The following STK33 variants were observed in gnomAD, a reference collection of about 807,000 sequenced individuals.
The protein encoded by STK33 is serine/threonine-protein kinase 33.
In STK33, 52 loss-of-function variants were observed where a neutral mutation model predicts 58.0. The ratio of observed to expected loss-of-function variants is 0.90; its 90% confidence interval spans 0.72 to 1.13. The LOEUF (loss-of-function observed/expected upper bound fraction) is 1.13. Ranked by LOEUF, STK33 falls within the 50% of genes most tolerant of loss-of-function variation. The pLI is 0.00. For synonymous variants in STK33, 215 were observed against 200.1 expected (o/e 1.07, Z -0.63); for missense variants, 630 against 604.2 (o/e 1.04, Z -0.45).
At chr11:8,437,552 A>C (rs1591049457) in intron 12 of STK33, among the ~76,000 whole-genome samples, 2 of 152,246 alleles carry the variant, frequency 1.3e-5, no homozygotes, top group African/African-American at 4.8e-5. Flanking sequence ...ATAAAATGGC[A>C]TAATTTCATT....
chr11:8,517,363 A>C lies in STK33; in HGVS notation c.-465-36749T>G, dbSNP rs560813929. On this transcript the variant is annotated intron_variant, in intron 1 of 15. Transcript: ENST00000687296. ...CATCACCAAAGACCAAAGGTAGATA[A>C]AAACACAAAGATGGGGAGAAACCAG... Among the ~76,000 whole-genome samples the C allele has an allele frequency of 2.1e-4, 32 of 152,346 alleles. No homozygotes were observed. The South Asian group carries it at 5.8e-3, about 28-fold the overall frequency.
intron 1 of STK33, among the ~76,000 whole-genome samples, chr11:8,481,565 G>A (rs975327255): frequency 1.3e-5 from 2 of 152,178 alleles, no homozygotes; most frequent in African/African-American, 4.8e-5. Flanking sequence ...AAGTCTGAAT[G>A]TATCTGTGGA....
chr11:8,453,879 C>G (rs116701912), intron 10 of STK33, among the ~76,000 whole-genome samples: 1,850 of 152,296 alleles, frequency 0.012, 39 homozygotes, highest in African/African-American at 0.042. Flanking sequence ...ACCTATCTTT[C>G]TTTACAGAAA....
intron 11 of STK33, among the ~76,000 whole-genome samples, chr11:8,450,829 A>G (rs1005039250): frequency 3.3e-5 from 5 of 152,224 alleles, no homozygotes; most frequent in Admixed American, 1.3e-4. Context: ...AAAATTGATT[A>G]TGTAATTACT....
chr11:8,369,603 C>T, the STK33 span, among the ~76,000 whole-genome samples: 1 of 152,062 alleles, frequency 6.6e-6, no homozygotes, highest in Admixed American at 6.5e-5. Flanking sequence ...TCTCCTCCTC[C>T]GCCTCTGCAG....
At chr11:8,400,903 A>C (rs1204381219) in intron 15 of STK33, among the ~76,000 whole-genome samples, 1 of 152,206 alleles carries the variant, frequency 6.6e-6, no homozygotes, top group African/African-American at 2.4e-5. Context: ...TAGGAATCCA[A>C]CTTACAAGGG....
At chr11:8,546,756 A>G (rs1486986615) in intron 1 of STK33, among the ~76,000 whole-genome samples, 1 of 152,156 alleles carries the variant, frequency 6.6e-6, no homozygotes, top group Non-Finnish European at 1.5e-5. Flanking sequence ...GCTGCAAATG[A>G]CAGGATTTCA....
chr11:8,386,611 C>CA, the STK33 span, among the ~76,000 whole-genome samples: 1 of 152,182 alleles, frequency 6.6e-6, no homozygotes, highest in Non-Finnish European at 1.5e-5. Flanking sequence ...GGCTTAGGCC[C>CA]AGAGCAGACG....
chr11:8,428,947 T>TAA (rs145920353), intron 14 of STK33, among the ~76,000 whole-genome samples: 150 of 151,484 alleles, frequency 9.9e-4, no homozygotes, highest in Non-Finnish European at 1.7e-3. Context: ...TCCCAGGAAA[T>TAA]AAAAAAAAAT....
chr11:8,498,998 A>T (rs1951291118), intron 1 of STK33, among the ~76,000 whole-genome samples: 1 of 152,350 alleles, frequency 6.6e-6, no homozygotes. Flanking sequence ...AACCTAGCCA[A>T]TACCATTCAG....
chr11:8,376,160 G>A, the STK33 span, among the ~76,000 whole-genome samples: 3 of 152,302 alleles, frequency 2.0e-5, no homozygotes, highest in South Asian at 2.1e-4. Context: ...ATCACTGAGC[G>A]ACAGCCACCA....
intron 1 of STK33, among the ~76,000 whole-genome samples, chr11:8,518,659 G>A (rs1041670541): frequency 2.8e-4 from 42 of 152,144 alleles, no homozygotes; most frequent in African/African-American, 9.6e-4. Context: ...TACCAAGCAA[G>A]TGGAAAACAA....
chr11:8,411,335 T>C (rs763515007), intron 15 of STK33, among the ~76,000 whole-genome samples: 15 of 152,242 alleles, frequency 9.9e-5, no homozygotes, highest in Non-Finnish European at 2.2e-4. Flanking sequence ...AACAAGTGTG[T>C]GATATCTTAG....
chr11:8,345,992 A>G, the STK33 span, among the ~76,000 whole-genome samples: 1 of 152,214 alleles, frequency 6.6e-6, no homozygotes, highest in Non-Finnish European at 1.5e-5. Flanking sequence ...TCTAGTCCCT[A>G]CAGAAATCCT....
intron 1 of STK33, among the ~76,000 whole-genome samples, chr11:8,524,670 T>C (rs754983367): frequency 2.6e-5 from 4 of 152,092 alleles, no homozygotes. Context: ...ACCATAAATA[T>C]GCCATATTTC....
intron 1 of STK33, among the ~76,000 whole-genome samples, chr11:8,561,510 A>G (rs1039294491): frequency 1.3e-5 from 2 of 151,864 alleles, no homozygotes; most frequent in East Asian, 1.9e-4. Flanking sequence ...TACTTATTTG[A>G]TATTGATCAT....
At chr11:8,541,278 A>G (rs1378630142) in intron 1 of STK33, among the ~76,000 whole-genome samples, 2 of 152,144 alleles carry the variant, frequency 1.3e-5, no homozygotes, top group African/African-American at 2.4e-5. Context: ...CCTTTTCCAA[A>G]GAGGTTTTTT....
intron 1 of STK33, among the ~76,000 whole-genome samples, chr11:8,525,547 T>G (rs960428517): frequency 1.3e-5 from 2 of 152,318 alleles, no homozygotes; most frequent in South Asian, 4.1e-4. Flanking sequence ...CATATTCATA[T>G]GAAAGGAAAC....
At chr11:8,561,142 C>T (rs1416734895) in intron 1 of STK33, among the ~76,000 whole-genome samples, 4 of 152,168 alleles carry the variant, frequency 2.6e-5, no homozygotes, top group Non-Finnish European at 5.9e-5. Context: ...GCCCTATCAA[C>T]CCCTTCCTAT....
Sources: allele counts gnomAD v4.1 joint callset (sites outside exome capture counted in the v4.1 genomes callset), GRCh38; gene constraint gnomAD v4.1.1; transcripts MANE v1.5; gene names NCBI Gene and HGNC (gene_info 2026-07-23, HGNC 2026-07-21).